The following SUMF1 variants were observed in gnomAD, a reference collection of about 807,000 sequenced individuals.
SUMF1 encodes the protein formylglycine-generating enzyme.
A neutral mutation model predicts 47.6 loss-of-function variants in SUMF1; 48 were observed. The observed-to-expected ratio is 1.01, with a 90% CI of 0.80 to 1.28. The LOEUF (loss-of-function observed/expected upper bound fraction) is 1.28, where lower values mean the gene tolerates loss of function less well. Ranked by LOEUF, SUMF1 falls within the 50% of genes most tolerant of loss-of-function variation. SUMF1 has a pLI of 0.00. For synonymous variants in SUMF1, 230 were observed against 192.1 expected (o/e 1.20, Z -1.63); for missense variants, 571 against 485.4 (o/e 1.18, Z -1.66).
intron 8 of SUMF1, among the ~76,000 whole-genome samples, chr3:4,295,120 T>C (rs1014575042): frequency 7.9e-5 from 12 of 152,168 alleles, no homozygotes; most frequent in African/African-American, 2.7e-4. Flanking sequence ...CTTGGGCAAC[T>C]GAGTAAAATT....
intron 9 of SUMF1, among the ~76,000 whole-genome samples, chr3:4,055,335 A>T (rs748499121): frequency 6.6e-6 from 1 of 152,162 alleles, no homozygotes; most frequent in Non-Finnish European, 1.5e-5. Context: ...CCAAGTTATT[A>T]TCCTGTATTA....
At chr3:4,250,692 A>C (rs748025483) in intron 8 of SUMF1, among the ~76,000 whole-genome samples, 3 of 152,212 alleles carry the variant, frequency 2.0e-5, no homozygotes, top group Non-Finnish European at 4.4e-5. Context: ...CTCATTGACC[A>C]TTCTGAAAAT....
intron 8 of SUMF1, among the ~76,000 whole-genome samples, chr3:4,147,366 G>A (rs139545957): frequency 2.9e-4 from 44 of 152,176 alleles, no homozygotes; most frequent in African/African-American, 8.4e-4. Context: ...ACATGCACAC[G>A]TATGTTTATT....
chr3:4,077,425 G>C (rs899249339), intron 8 of SUMF1, among the ~76,000 whole-genome samples: 1 of 152,054 alleles, frequency 6.6e-6, no homozygotes, highest in Non-Finnish European at 1.5e-5. Flanking sequence ...ATCAATAATA[G>C]ACTGGATAAA....
exon 9 of SUMF1, chr3:4,068,677 G>T (rs1465480848): frequency 8.9e-6 from 4 of 451,778 alleles, no homozygotes; most frequent in South Asian, 6.3e-5. Flanking sequence ...CCTTCCACCT[G>T]CTGGCTGTGT....
chr3:4,148,676 G>T (rs1036615410), intron 8 of SUMF1, among the ~76,000 whole-genome samples: 1 of 152,084 alleles, frequency 6.6e-6, no homozygotes. Context: ...CAAACAAATG[G>T]TAATGGCTAT....
intron 8 of SUMF1, among the ~76,000 whole-genome samples, chr3:4,339,959 C>T (rs1308913297): frequency 6.6e-6 from 1 of 152,098 alleles, no homozygotes; most frequent in Non-Finnish European, 1.5e-5. Flanking sequence ...TACCTGTGGT[C>T]CCAGCCACTC....
chr3:4,336,742 A>G (rs1699161032), intron 8 of SUMF1, among the ~76,000 whole-genome samples: 1 of 152,252 alleles, frequency 6.6e-6, no homozygotes, highest in South Asian at 2.1e-4. Flanking sequence ...ATCAAAGATA[A>G]TTCAATTTAG....
chr3:4,131,689 T>G lies in SUMF1; in HGVS notation c.1015-62944A>C, dbSNP rs185237737. Among the ~76,000 whole-genome samples, 392 of 152,186 alleles carry G rather than the reference T, an allele frequency of 2.6e-3. 4 individuals are homozygous for G. Among genetic ancestry groups the G allele is most frequent in the African/African-American group, 9.2e-3 (383 of 41,502 alleles). ...ATTGGAAAATTGGTGACAAAGAAAT[T>G]TGGGGAAGAGGTACGTGGATGAACC... On this transcript the variant is annotated intron_variant and NMD_transcript_variant, in intron 8 of 12. Transcript: ENST00000448413.
At position 4,079,997 on chromosome 3, in the gene SUMF1, C is replaced by A. The variant is rs189507285; in HGVS notation, c.1015-11252G>T. Reference sequence around the variant, plus strand: ...AGGCAAAGCACTGCTCTCTGGACTTCGGTGTCCTTATCTGTATAATAAATG... The same window carrying A: ...AGGCAAAGCACTGCTCTCTGGACTTAGGTGTCCTTATCTGTATAATAAATG... On this transcript the variant is annotated intron_variant and NMD_transcript_variant, in intron 8 of 12. Coordinates refer to the SUMF1 transcript ENST00000448413. Among the ~76,000 whole-genome samples, 18 of 151,902 alleles carry A rather than the reference C, an allele frequency of 1.2e-4. No homozygotes were observed. In the East Asian group the frequency reaches 2.7e-3, roughly 23 times the overall value.
intron 8 of SUMF1, among the ~76,000 whole-genome samples, chr3:4,086,795 A>C (rs1422695873): frequency 6.6e-6 from 1 of 152,048 alleles, no homozygotes; most frequent in African/African-American, 2.4e-5. Flanking sequence ...ATGGTAGTGA[A>C]TAAGTCTCAT....
intron 8 of SUMF1, among the ~76,000 whole-genome samples, chr3:4,225,837 C>T (rs1026164922): frequency 6.6e-6 from 1 of 152,082 alleles, no homozygotes; most frequent in Admixed American, 6.6e-5. Context: ...AAAAGTACAT[C>T]AAAATGGTTG....
At position 4,243,534 on chromosome 3, in the gene SUMF1, G is replaced by C. The variant is rs138502855; in HGVS notation, c.1014+132796C>G. Among the ~76,000 whole-genome samples, 454 of 152,142 alleles carry C rather than the reference G, an allele frequency of 3.0e-3. 5 individuals are homozygous for C. The highest frequency in any genetic ancestry group is 0.01 in the African/African-American group (429 of 41,498). On this transcript the variant is annotated intron_variant and NMD_transcript_variant, in intron 8 of 12. Transcript: ENST00000448413. The stretch of plus-strand genomic sequence containing the variant: ...TTCGTTATTTACCCATTAGTCATTT[G>C]GGAGCCAGTTGTTCAGTTTCCATGT...
chr3:4,420,445 G>C (rs1018692702), intron 3 of SUMF1, among the ~76,000 whole-genome samples: 1 of 147,208 alleles, frequency 6.8e-6, no homozygotes, highest in Non-Finnish European at 1.5e-5. Context: ...GCCCAGGCTG[G>C]AGTGCAGGGG....
intron 3 of SUMF1, among the ~76,000 whole-genome samples, chr3:4,432,645 AC>A (rs1431608707): frequency 3.0e-4 from 45 of 152,178 alleles, no homozygotes; most frequent in African/African-American, 1.1e-3. Flanking sequence ...TAAATAAAAG[AC>A]CCAAGAGCAC....
chr3:4,082,098 T>C (rs1451180397), intron 8 of SUMF1, among the ~76,000 whole-genome samples: 1 of 152,160 alleles, frequency 6.6e-6, no homozygotes, highest in African/African-American at 2.4e-5. Flanking sequence ...ATATTAACAT[T>C]TGGGGATTCT....
rs187009688 is a variant in SUMF1, at chr3:4,073,210, C to A, written c.1015-4465G>T. Among the ~76,000 whole-genome samples, 469 of 152,228 alleles carry A rather than the reference C, an allele frequency of 3.1e-3. 7 individuals carry two copies. Among genetic ancestry groups the A allele is most frequent in the Admixed American group, 7.2e-3 (110 of 15,292 alleles). On this transcript the variant is annotated intron_variant and NMD_transcript_variant, in intron 8 of 12. Transcript: ENST00000448413. Reference sequence around the variant, plus strand: ...ATTCTTAAAGAAAAGAATTTTCAACCCAGAATTTCATATCCAGCCAAACTA... The same window carrying A: ...ATTCTTAAAGAAAAGAATTTTCAACACAGAATTTCATATCCAGCCAAACTA...
intron 8 of SUMF1, among the ~76,000 whole-genome samples, chr3:4,262,440 C>T (rs1231454664): frequency 1.3e-5 from 2 of 152,018 alleles, no homozygotes; most frequent in Non-Finnish European, 2.9e-5. Context: ...GCAACAACAA[C>T]AAAAAAGACA....
intron 3 of SUMF1, among the ~76,000 whole-genome samples, chr3:4,447,188 G>T (rs925033896): frequency 2.0e-5 from 3 of 151,840 alleles, no homozygotes; most frequent in East Asian, 1.9e-4. Context: ...ACCAAAAAAA[G>T]ATTTTTTTAA....
Sources: gnomAD v4.1 joint callset for allele counts (sites outside exome capture counted in the v4.1 genomes callset) on GRCh38, gnomAD v4.1.1 for gene constraint, MANE v1.5 for transcripts, NCBI Gene and HGNC (gene_info 2026-07-23, HGNC 2026-07-21) for gene names.